The following RABEP1 variants were observed in gnomAD, a reference collection of about 807,000 sequenced individuals.
The protein encoded by RABEP1 is rab GTPase-binding effector protein 1.
A neutral mutation model predicts 123.4 loss-of-function variants in RABEP1; 51 were observed. The ratio of observed to expected loss-of-function variants is 0.41; its 90% CI spans 0.33 to 0.52. RABEP1 has a LOEUF of 0.52. Ranked by LOEUF, RABEP1 falls within the 20% of genes least tolerant of loss-of-function variation. RABEP1 has a pLI of 0.16. For synonymous variants in RABEP1, 347 were observed against 355.2 expected (o/e 0.98, Z 0.26); for missense variants, 888 against 996.3 (o/e 0.89, Z 1.46).
In RABEP1 at chr17:5,385,782, G is replaced by A. The variant is rs1349604927; in HGVS notation, c.*2559G>A. 4.2e-6 allele frequency: 1 copy of A among 235,672 alleles called. No homozygotes were observed. The highest frequency in any genetic ancestry group is 5.6e-5 in the Admixed American group (1 of 17,842). 14.6% of individuals were successfully genotyped at this position (235,672 alleles called of 1,614,324 possible). On this transcript the variant is annotated 3_prime_UTR_variant, in exon 18 of 18. Transcript: ENST00000537505. Reference sequence around the variant, plus strand: ...GAAGGTGTGTCCTCAAGAAGAAAGTGTTCAAATTAAAAAAGCTGCTGCCAA... The same window carrying A: ...GAAGGTGTGTCCTCAAGAAGAAAGTATTCAAATTAAAAAAGCTGCTGCCAA...
chr17:5,333,704 A>G (rs1261335738), intron 3 of RABEP1, among the ~76,000 whole-genome samples: 1 of 152,162 alleles, frequency 6.6e-6, no homozygotes, highest in Non-Finnish European at 1.5e-5. Flanking sequence ...TAGATAATCT[A>G]GGCCTGGTTT....
chr17:5,329,703 CATA>C (rs1906333722), intron 2 of RABEP1, among the ~76,000 whole-genome samples: 1 of 151,774 alleles, frequency 6.6e-6, no homozygotes, highest in South Asian at 2.1e-4. Flanking sequence ...TGTTGGCAAA[CATA>C]ATGTTTGAAA....
intron 5 of RABEP1, among the ~76,000 whole-genome samples, chr17:5,344,404 C>T (rs2144632310): frequency 6.6e-6 from 1 of 152,136 alleles, no homozygotes; most frequent in Admixed American, 6.5e-5. Context: ...TGCCACTGCA[C>T]TCCAGCCAGA....
At chr17:5,294,580 CT>C (rs76625550) in intron 1 of RABEP1, among the ~76,000 whole-genome samples, 78,202 of 144,364 alleles carry the variant, frequency 0.54, 21,987 homozygotes, top group East Asian at 0.96. Flanking sequence ...ATTTTGGTAT[CT>C]GAGAGGTCCT....
intron 2 of RABEP1, among the ~76,000 whole-genome samples, chr17:5,310,571 G>A (rs1295374625): frequency 6.6e-6 from 1 of 151,880 alleles, no homozygotes; most frequent in Non-Finnish European, 1.5e-5. Context: ...GCCCGCTTCG[G>A]CCTCCCAAAG....
intron 1 of RABEP1, among the ~76,000 whole-genome samples, chr17:5,307,694 A>T (rs2075192693): frequency 6.6e-6 from 1 of 152,060 alleles, no homozygotes; most frequent in Non-Finnish European, 1.5e-5. Flanking sequence ...AATCAAAGGA[A>T]CCCCTGGGTT....
At chr17:5,317,189 A>C (rs2075306670) in intron 2 of RABEP1, among the ~76,000 whole-genome samples, 1 of 152,160 alleles carries the variant, frequency 6.6e-6, no homozygotes, top group Non-Finnish European at 1.5e-5. Context: ...TAGATGCAAA[A>C]ATTCTCACAA....
intron 7 of RABEP1, among the ~76,000 whole-genome samples, chr17:5,352,164 G>C (rs759448264): frequency 6.6e-6 from 1 of 151,274 alleles, no homozygotes; most frequent in Non-Finnish European, 1.5e-5. Context: ...CATTCGTCTT[G>C]TGTGTAGTCA....
intron 1 of RABEP1, among the ~76,000 whole-genome samples, chr17:5,295,803 T>G (rs2075078155): frequency 6.6e-6 from 1 of 152,168 alleles, no homozygotes; most frequent in South Asian, 2.1e-4. Context: ...AGATCTGAGT[T>G]TCTTCAGTTT....
intron 2 of RABEP1, among the ~76,000 whole-genome samples, chr17:5,315,226 T>C (rs1311430147): frequency 6.6e-6 from 1 of 152,200 alleles, no homozygotes; most frequent in African/African-American, 2.4e-5. Flanking sequence ...TATATAAAAT[T>C]AACAAAACCC....
chr17:5,335,627 C>G (rs1290157208), intron 4 of RABEP1, among the ~76,000 whole-genome samples: 1 of 152,172 alleles, frequency 6.6e-6, no homozygotes, highest in African/African-American at 2.4e-5. Flanking sequence ...TGTCACTACT[C>G]TCCTCTCCCT....
At chr17:5,340,819 G>C (rs1299590265) in intron 5 of RABEP1, among the ~76,000 whole-genome samples, 1 of 151,384 alleles carries the variant, frequency 6.6e-6, no homozygotes, top group African/African-American at 2.4e-5. Context: ...GTGGTGGCGG[G>C]CGCCTATAAT....
Position 5,377,179 on chromosome 17 carries a change from C to A in RABEP1, c.2089C>A (p.His697Asn). The change falls in exon 14 of 18, where the codon CAC (histidine) becomes AAC (asparagine). Residue 697 changes from histidine (H) to asparagine (N), a missense_variant. By Grantham distance (68) the His-to-Asn change is moderately conservative. Transcript: ENST00000537505. ...CATTAATGTGCGGACAGCAGCAGAC[C>A]ACGTAGAAGAAAAGCTGAAGGCTGA... ...DIINVRTAADHVEEKLKAEIL... is the reference protein window; with the variant it reads ...DIINVRTAADNVEEKLKAEIL... The A allele has an allele frequency of 6.2e-7, 1 of 1,612,880 alleles. No homozygotes were observed. Among genetic ancestry groups the A allele is most frequent in the Non-Finnish European group, 8.5e-7 (1 of 1,179,736 alleles).
At chr17:5,314,563 G>C (rs1269621524) in intron 2 of RABEP1, among the ~76,000 whole-genome samples, 1 of 147,262 alleles carries the variant, frequency 6.8e-6, no homozygotes, top group African/African-American at 2.5e-5. Context: ...CTGTCACCCA[G>C]GCTGGAGTGC....
At chr17:5,358,906 G>A (rs1273539806) in intron 8 of RABEP1, among the ~76,000 whole-genome samples, 25 of 151,898 alleles carry the variant, frequency 1.6e-4, no homozygotes, top group Admixed American at 1.3e-4. Context: ...GACTACAGGC[G>A]TGTGGTACCA....
rs752550899 is a variant in RABEP1, at chr17:5,377,143, C to T, written c.2053C>T (p.Arg685Cys). 6 of 1,603,538 alleles carry T rather than the reference C, an allele frequency of 3.7e-6. No individual in the cohort carries two copies. The highest frequency in any genetic ancestry group is 3.4e-5 in the South Asian group (3 of 88,520). ...EALRELVLKY[R>C]EDIINVRTAA... ...ACTGCGGGAGTTGGTATTAAAATAC[C>T]GTGAGGACATCATTAATGTGCGGAC... The change falls in exon 14 of 18, where the codon CGT becomes TGT. Residue 685 changes from arginine (R) to cysteine (C), a missense_variant. Arg to Cys is a radical substitution (Grantham distance 180). Coordinates refer to ENST00000537505, the MANE Select transcript of RABEP1 (RefSeq NM_004703.6).
intron 2 of RABEP1, among the ~76,000 whole-genome samples, chr17:5,328,507 G>A (rs1215253427): frequency 6.6e-6 from 1 of 151,894 alleles, no homozygotes; most frequent in Admixed American, 6.6e-5. Context: ...TTAGCTGGGT[G>A]TATTGGCATG....
intron 1 of RABEP1, among the ~76,000 whole-genome samples, chr17:5,293,027 T>C (rs1372664783): frequency 1.3e-5 from 2 of 152,156 alleles, no homozygotes; most frequent in Non-Finnish European, 2.9e-5. Flanking sequence ...TGGTGGCTCA[T>C]GCCTATAATC....
chr17:5,311,080 G>A (rs535673437), intron 2 of RABEP1, among the ~76,000 whole-genome samples: 2 of 152,112 alleles, frequency 1.3e-5, no homozygotes, highest in East Asian at 3.9e-4. Context: ...AGAGTGCTGG[G>A]ATTACAGGCG....
Sources: gnomAD v4.1 joint callset for allele counts (sites outside exome capture counted in the v4.1 genomes callset) on GRCh38, gnomAD v4.1.1 for gene constraint, MANE v1.5 for transcripts, NCBI Gene and HGNC (gene_info 2026-07-23, HGNC 2026-07-21) for gene names.